The following SLC1A2 variants were observed in gnomAD, a reference collection of about 807,000 sequenced individuals.
SLC1A2 encodes solute carrier family 1 member 2.
A neutral mutation model predicts 48.8 loss-of-function variants in SLC1A2; 15 were observed. The ratio of observed to expected loss-of-function variants is 0.31; its 90% CI spans 0.21 to 0.47. The LOEUF (loss-of-function observed/expected upper bound fraction) is 0.47. SLC1A2 is among the 20% of genes least tolerant of loss of function. The pLI is 0.99. For synonymous variants in SLC1A2, 279 were observed against 272.6 expected, an observed-to-expected ratio of 1.02 and a Z score of -0.23; for missense variants, 502 against 730.5, an observed-to-expected ratio of 0.69 and a Z score of 3.61.
rs1285984426 is a variant in SLC1A2 at position 35,252,500 on chromosome 11, T to C, written c.*8394A>G. ...AAACAGACATGAGATGACCTTTCAC[T>C]AAGAACCAGGACACACACCCAGCCC... is the stretch of plus-strand genomic sequence containing the variant. On this transcript the variant is annotated 3_prime_UTR_variant, in exon 11 of 11. Coordinates refer to ENST00000278379, the MANE Select transcript of SLC1A2 (RefSeq NM_004171.4). 6.6e-6 allele frequency: 1 copy of C among 152,200 alleles called. No individual in the cohort carries two copies. The highest frequency in any genetic ancestry group is 1.5e-5 in the Non-Finnish European group (1 of 68,046). The allele number at this position is 152,200 out of a possible 1,614,324, so 9.4% of individuals were successfully genotyped here. A position where few individuals can be genotyped will look rare whatever the true frequency, so the allele number is the denominator to read the frequency against.
chr11:35,254,799 C>A lies in SLC1A2; in HGVS notation c.*6095G>T, dbSNP rs1950290910. On this transcript the variant is annotated 3_prime_UTR_variant, in exon 11 of 11. Transcript: ENST00000278379. ...CCAATAGCTGGTTTTATTCTCAGCA[C>A]AAAAGGGCCCTGTGTAAAAACCAGA... 2.2e-6 allele frequency: 1 copy of A among 455,856 alleles called. No homozygotes were observed. 28.2% of individuals were successfully genotyped at this position (455,856 alleles called of 1,614,324 possible).
At chr11:35,397,744 C>T (rs1199422580) in intron 1 of SLC1A2, among the ~76,000 whole-genome samples, 1 of 152,098 alleles carries the variant, frequency 6.6e-6, no homozygotes, top group Admixed American at 6.5e-5. Flanking sequence ...AGACCCCTCA[C>T]CCCTTCCACC....
chr11:35,371,534 G>A (rs1230114573), intron 1 of SLC1A2, among the ~76,000 whole-genome samples: 1 of 152,192 alleles, frequency 6.6e-6, no homozygotes, highest in African/African-American at 2.4e-5. Context: ...ACCACCAGGG[G>A]TGGGAACACA....
intron 1 of SLC1A2, among the ~76,000 whole-genome samples, chr11:35,382,795 CAA>C (rs11352014): frequency 1.2e-4 from 16 of 128,672 alleles, no homozygotes; most frequent in Non-Finnish European, 1.3e-4. Flanking sequence ...GACTCAGTCT[CAA>C]AAAAAAAAAA....
chr11:35,296,624 T>A (rs1851180383), intron 6 of SLC1A2, among the ~76,000 whole-genome samples: 1 of 152,142 alleles, frequency 6.6e-6, no homozygotes, highest in African/African-American at 2.4e-5. Flanking sequence ...GACTTCCTTT[T>A]GCCCCCTTTC....
intron 1 of SLC1A2, among the ~76,000 whole-genome samples, chr11:35,382,506 C>T (rs536208450): frequency 1.3e-5 from 2 of 152,294 alleles, no homozygotes; most frequent in African/African-American, 4.8e-5. Context: ...TTTTAACATT[C>T]CTCCTAAGGC....
At position 35,260,310 on chromosome 11, in the gene SLC1A2, T is replaced by C. The variant is rs1950373878; in HGVS notation, c.*584A>G. The stretch of plus-strand genomic sequence containing the variant: ...GAGCATGGCTCCCTTTAAAACTGTC[T>C]TTGAAACATTTTACTTAAAGAGCAT... On this transcript the variant is annotated 3_prime_UTR_variant, in exon 11 of 11. Transcript: ENST00000278379. 1 of 152,428 alleles carries C rather than the reference T, an allele frequency of 6.6e-6. No homozygotes were observed. Among genetic ancestry groups the C allele is most frequent in the Non-Finnish European group, 1.5e-5 (1 of 68,400 alleles). The allele number at this position is 152,428 out of a possible 1,614,324, so 9.4% of individuals were successfully genotyped here. A position where few individuals can be genotyped will look rare whatever the true frequency, so the allele number is the denominator to read the frequency against.
Position 35,257,083 on chromosome 11 carries a change from C to G in SLC1A2, c.*3811G>C. ...CAAAAACATGGCAGAATTGGGTTTC[C>G]TTTGGTGGACCCAGTAAATGAGTTT... is the stretch of plus-strand genomic sequence containing the variant. On this transcript the variant is annotated 3_prime_UTR_variant, in exon 11 of 11. Coordinates refer to ENST00000278379, the MANE Select transcript of SLC1A2 (RefSeq NM_004171.4). 1 of 152,138 alleles carries G rather than the reference C, an allele frequency of 6.6e-6. No individual in the cohort carries two copies. The highest frequency in any genetic ancestry group is 1.5e-5 in the Non-Finnish European group (1 of 68,010). The allele number at this position is 152,138 out of a possible 1,614,324, so 9.4% of individuals were successfully genotyped here.
At chr11:35,333,776 C>T (rs933642688) in intron 1 of SLC1A2, among the ~76,000 whole-genome samples, 2 of 151,888 alleles carry the variant, frequency 1.3e-5, no homozygotes, top group Non-Finnish European at 2.9e-5. Context: ...ATTCTCATGC[C>T]TCAGCCTCCC....
intron 10 of SLC1A2, among the ~76,000 whole-genome samples, chr11:35,262,197 GTCTGT>G (rs1950404175): frequency 6.6e-6 from 1 of 152,192 alleles, no homozygotes; most frequent in African/African-American, 2.4e-5. Flanking sequence ...AGAGAAAGTT[GTCTGT>G]TCACTATAAC....
At chr11:35,323,749 A>G (rs1199655688) in intron 1 of SLC1A2, among the ~76,000 whole-genome samples, 1 of 152,198 alleles carries the variant, frequency 6.6e-6, no homozygotes, top group Non-Finnish European at 1.5e-5. Context: ...AGCAACAATA[A>G]CAACAACCAT....
chr11:35,369,876 TC>T (rs954435401), intron 1 of SLC1A2, among the ~76,000 whole-genome samples: 8 of 152,132 alleles, frequency 5.3e-5, no homozygotes, highest in African/African-American at 1.9e-4. Flanking sequence ...AATATAAGGA[TC>T]CCTAGCCAGT....
At chr11:35,279,681 G>A (rs575741496) in intron 9 of SLC1A2, among the ~76,000 whole-genome samples, 7 of 152,308 alleles carry the variant, frequency 4.6e-5, no homozygotes, top group Non-Finnish European at 7.3e-5. Context: ...AGGCTCCAGA[G>A]GCAGCCTGAC....
At chr11:35,324,672 G>C (rs1825944591) in intron 1 of SLC1A2, among the ~76,000 whole-genome samples, 1 of 152,098 alleles carries the variant, frequency 6.6e-6, no homozygotes, top group Non-Finnish European at 1.5e-5. Context: ...GAGTGGGTGG[G>C]GGCCTGGGAA....
intron 4 of SLC1A2, among the ~76,000 whole-genome samples, chr11:35,310,865 A>C (rs1294275134): frequency 6.6e-6 from 1 of 152,172 alleles, no homozygotes; most frequent in African/African-American, 2.4e-5. Context: ...ATGTATAGGC[A>C]TGTATGCAGC....
chr11:35,265,190 G>A (rs969731375), intron 10 of SLC1A2: 13 of 359,410 alleles, frequency 3.6e-5, no homozygotes, highest in East Asian at 4.8e-5. Context: ...TGATCTGCCC[G>A]CCTCGGCCTA....
intron 9 of SLC1A2, among the ~76,000 whole-genome samples, chr11:35,276,071 G>A (rs1207961746): frequency 4.6e-5 from 7 of 152,072 alleles, no homozygotes; most frequent in African/African-American, 7.2e-5. Flanking sequence ...AGGAATGCTC[G>A]TGCTTATTTG....
At chr11:35,266,364 C>T (rs1315895067) in intron 9 of SLC1A2, among the ~76,000 whole-genome samples, 1 of 152,136 alleles carries the variant, frequency 6.6e-6, no homozygotes, top group African/African-American at 2.4e-5. Flanking sequence ...CCATAATTTT[C>T]TCATTGACCA....
chr11:35,381,901 C>A (rs892007953), intron 1 of SLC1A2, among the ~76,000 whole-genome samples: 1 of 152,186 alleles, frequency 6.6e-6, no homozygotes. Context: ...ATCACATAGT[C>A]CCCTTCCACT....
Sources: allele counts gnomAD v4.1 joint callset (sites outside exome capture counted in the v4.1 genomes callset), GRCh38; gene constraint gnomAD v4.1.1; transcripts MANE v1.5; gene names NCBI Gene and HGNC (gene_info 2026-07-23, HGNC 2026-07-21).